The following EFR3A variants were observed in gnomAD, a reference collection of about 807,000 sequenced individuals.
EFR3A encodes EFR3 homolog A, also known as protein EFR3 homolog A.
Under a neutral mutation model 104.4 loss-of-function variants are expected in EFR3A, and 76 were observed. The ratio of observed to expected loss-of-function variants is 0.73; its 90% CI spans 0.60 to 0.88. The LOEUF is 0.88. EFR3A is among the 40% of genes least tolerant of loss of function. The pLI is 0.00. For synonymous variants in EFR3A, 330 were observed against 330.0 expected (o/e 1.00, Z 0.00); for missense variants, 985 against 1,012.5 (o/e 0.97, Z 0.37).
intron 13 of EFR3A, 75 bp from the exon 14 acceptor site, chr8:131,979,271 A>G: frequency 4.1e-6 from 5 of 1,209,278 alleles, no homozygotes; most frequent in Non-Finnish European, 5.8e-6. Context: ...AAGTATAAAT[A>G]CAATTTTCCA....
chr8:131,986,315 A>C, intron 17 of EFR3A, 54 bp downstream of exon 17: 1 of 871,120 alleles, frequency 1.1e-6, no homozygotes, highest in East Asian at 2.6e-5. Context: ...TAAACCCATC[A>C]GTAATAATTA....
chr8:131,959,679 CTATT>C lies in EFR3A; in HGVS notation c.855+19_855+22del. 6.3e-7 allele frequency: 1 copy of C among 1,579,604 alleles called. No individual in the cohort carries two copies. The highest frequency in any genetic ancestry group is 2.2e-5 in the East Asian group (1 of 44,458). Reference sequence around the variant, plus strand: ...TTCCATTCAGGTAAGGTTTGATTAACTATTTACTGTATTTATATAAGTAATTTTG... The same window carrying C: ...TTCCATTCAGGTAAGGTTTGATTAACTACTGTATTTATATAAGTAATTTTG... On this transcript the variant is annotated intron_variant, in intron 8 of 22. Coordinates refer to ENST00000254624, the MANE Select transcript of EFR3A (RefSeq NM_015137.6).
At chr8:131,944,531 G>A (rs1303087320) in intron 2 of EFR3A, among the ~76,000 whole-genome samples, 1 of 151,990 alleles carries the variant, frequency 6.6e-6, no homozygotes, top group Non-Finnish European at 1.5e-5. Flanking sequence ...CACTGTTTGT[G>A]CTTTGCATAA....
chr8:131,984,355 T>G, intron 15 of EFR3A, 55 bp downstream of exon 15: 1 of 1,413,946 alleles, frequency 7.1e-7, no homozygotes, highest in South Asian at 1.7e-5. Context: ...GCAGACAACA[T>G]CTTTGAAATG....
intron 20 of EFR3A, among the ~76,000 whole-genome samples, chr8:132,002,239 G>A (rs143084852): frequency 1.4e-4 from 22 of 152,212 alleles, no homozygotes; most frequent in Middle Eastern, 3.4e-3. Flanking sequence ...GTAGTACCTC[G>A]TATGTGCAAG....
chr8:131,998,688 T>C (rs1475210524), intron 19 of EFR3A, among the ~76,000 whole-genome samples: 1 of 152,068 alleles, frequency 6.6e-6, no homozygotes, highest in African/African-American at 2.4e-5. Context: ...AATGTGCTGA[T>C]GCCATAAAAT....
At position 131,977,025 on chromosome 8, in the gene EFR3A, C is replaced by A. The variant is rs1211544184; in HGVS notation, c.1275-16C>A. On this transcript the variant is annotated splice_polypyrimidine_tract_variant and intron_variant, in intron 11 of 22. Coordinates refer to ENST00000254624, the MANE Select transcript of EFR3A (RefSeq NM_015137.6). The stretch of plus-strand genomic sequence containing the variant: ...ATGCTAATTAGTATAATAATTCAGC[C>A]TTTTGTATATTTTAGGGATTTGGGA... The A allele has an allele frequency of 6.4e-7, 1 of 1,571,512 alleles. No homozygotes were observed. The highest frequency in any genetic ancestry group is 8.7e-7 in the Non-Finnish European group (1 of 1,151,818).
rs1821702466 is a variant in EFR3A at position 131,999,858 on chromosome 8, A to C, written c.2158-1901A>C. Among the ~76,000 whole-genome samples, 2 of 152,168 alleles carry C rather than the reference A, an allele frequency of 1.3e-5. 1 individual carries two copies. Among genetic ancestry groups the C allele is most frequent in the South Asian group, 4.1e-4 (2 of 4,830 alleles). On this transcript the variant is annotated intron_variant, in intron 19 of 22. Transcript: ENST00000254624. Reference sequence around the variant, plus strand: ...GTGTCATTATTAGAGTTGTGCTTTCATAAAAAGAATCTCTCAAGTGTGACA... The same window carrying C: ...GTGTCATTATTAGAGTTGTGCTTTCCTAAAAAGAATCTCTCAAGTGTGACA...
intron 14 of EFR3A, among the ~76,000 whole-genome samples, chr8:131,980,413 T>G (rs1226997983): frequency 6.6e-6 from 1 of 152,144 alleles, no homozygotes; most frequent in Non-Finnish European, 1.5e-5. Flanking sequence ...ATCAAAAAAC[T>G]GGTTAATAAA....
At chr8:132,009,218 G>A (rs1004592110) in intron 22 of EFR3A, among the ~76,000 whole-genome samples, 1 of 151,992 alleles carries the variant, frequency 6.6e-6, no homozygotes, top group Non-Finnish European at 1.5e-5. Flanking sequence ...ATTCAAAGAA[G>A]TATATAAGAC....
At chr8:131,951,583 C>G (rs182333118) in intron 5 of EFR3A, among the ~76,000 whole-genome samples, 4 of 152,172 alleles carry the variant, frequency 2.6e-5, no homozygotes, top group Admixed American at 2.0e-4. Flanking sequence ...TAGAAAATAT[C>G]TGGAATGTAG....
chr8:131,998,412 G>T (rs1563704370), intron 19 of EFR3A, among the ~76,000 whole-genome samples: 1 of 151,330 alleles, frequency 6.6e-6, no homozygotes, highest in African/African-American at 2.4e-5. Context: ...ATTTGCTTTT[G>T]CTTTTTAAAC....
At chr8:131,917,898 A>G (rs1816821237) in intron 1 of EFR3A, among the ~76,000 whole-genome samples, 1 of 152,136 alleles carries the variant, frequency 6.6e-6, no homozygotes, top group African/African-American at 2.4e-5. Context: ...ATTTAAGAAT[A>G]TTGATTAGAA....
chr8:131,938,088 A>G (rs1036692167), intron 1 of EFR3A: 6 of 390,328 alleles, frequency 1.5e-5, no homozygotes, highest in Non-Finnish European at 2.7e-5. Flanking sequence ...TTTGATGTCA[A>G]TGACAAGTTA....
At position 132,003,291 on chromosome 8, in the gene EFR3A, G is replaced by C. The variant is rs1420354078; in HGVS notation, c.2360+6G>C. On this transcript the variant is annotated splice_donor_region_variant and intron_variant, in intron 22 of 22. Transcript: ENST00000254624. ...ATATTGGAACTCACCATACGGTAAG[G>C]GTTTTGTTATCACAATAGCAATAAC... 2 of 1,610,398 alleles carry C rather than the reference G, an allele frequency of 1.2e-6. No homozygotes were observed. Among genetic ancestry groups the C allele is most frequent in the Admixed American group, 3.3e-5 (2 of 59,786 alleles).
Position 131,978,973 on chromosome 8 carries a change from A to T in EFR3A, c.1453A>T (p.Asn485Tyr). 6.2e-7 allele frequency: 1 copy of T among 1,613,048 alleles called. No homozygotes were observed. The change falls in exon 13 of 23, where the codon AAT becomes TAT. Residue 485 changes from asparagine to tyrosine, a missense_variant. Transcript: ENST00000254624. ...LRQLVLEVMH[N>Y]LMDRHDNRAK... ...ACAGTTGGTCTTGGAAGTAATGCATAATCTCATGGATCGTCATGACAATAG... is the reference window on the plus strand; with the variant it reads ...ACAGTTGGTCTTGGAAGTAATGCATTATCTCATGGATCGTCATGACAATAG...
Position 132,010,407 on chromosome 8 carries a change from G to GATATATAT in EFR3A, c.2361-347_2361-340dup, listed in dbSNP as rs66644698. Among the ~76,000 whole-genome samples the GATATATAT allele has an allele frequency of 2.5e-3, 205 of 81,804 alleles. 1 individual carries two copies. The highest frequency in any genetic ancestry group is 3.1e-3 in the Non-Finnish European group (127 of 41,202). 53.7% of individuals were successfully genotyped at this position (81,804 alleles called of 152,430 possible). On this transcript the variant is annotated intron_variant, in intron 22 of 22. Coordinates refer to ENST00000254624, the MANE Select transcript of EFR3A (RefSeq NM_015137.6). ...GTTCTCTGGATTAAATCAAGTATGA[G>GATATATAT]ATATATATATATATATATATATATA...
Position 131,976,029 on chromosome 8 carries a change from T to C in EFR3A, c.1162T>C (p.Phe388Leu). 1 of 1,578,648 alleles carries C rather than the reference T, an allele frequency of 6.3e-7. No individual in the cohort carries two copies. Among genetic ancestry groups the C allele is most frequent in the Non-Finnish European group, 8.6e-7 (1 of 1,157,038 alleles). ...VQNAIIQTIG[F>L]FGSNLPDYQR... ...AATTTGTCTTAATACTTTCATAGGA[T>C]TTTTTGGAAGTAACCTACCAGATTA... is the stretch of plus-strand genomic sequence containing the variant. Residue 388 changes from phenylalanine to leucine, a missense_variant and splice_region_variant, in exon 11 of 23, where the codon TTT (phenylalanine) becomes CTT (leucine). Transcript: ENST00000254624.
chr8:131,953,967 G>C lies in EFR3A; in HGVS notation c.638G>C (p.Ser213Thr), dbSNP rs910914365. 5.9e-6 allele frequency: 9 copies of C among 1,526,344 alleles called. No individual in the cohort carries two copies. The highest frequency in any genetic ancestry group is 7.9e-6 in the Non-Finnish European group (9 of 1,134,876). The allele number at this position is 1,526,344 out of a possible 1,614,324, so 94.6% of individuals were successfully genotyped here. A position where few individuals can be genotyped will look rare whatever the true frequency, so the allele number is the denominator to read the frequency against. The change falls in exon 6 of 23, where the codon AGT (serine) becomes ACT (threonine). Residue 213 changes from serine to threonine, a missense_variant and splice_region_variant. By Grantham distance (58) the Ser-to-Thr change is moderately conservative. Coordinates refer to ENST00000254624, the MANE Select transcript of EFR3A (RefSeq NM_015137.6). The part of the protein sequence containing the change: ...FNMQKIEEVD[S>T]RIGPPSSPSA... Reference sequence around the variant, plus strand: ...ATGCAAAAGATAGAAGAAGTTGACAGGTATTTAAAAAAATATTAGTGTTGA... The same window carrying C: ...ATGCAAAAGATAGAAGAAGTTGACACGTATTTAAAAAAATATTAGTGTTGA...
Sources: allele counts gnomAD v4.1 joint callset (sites outside exome capture counted in the v4.1 genomes callset), GRCh38; gene constraint gnomAD v4.1.1; transcripts MANE v1.5; gene names NCBI Gene and HGNC (gene_info 2026-07-23, HGNC 2026-07-21).